The following AFF1 variants were observed in gnomAD, a reference collection of about 807,000 sequenced individuals.
AFF1 encodes AF4/FMR2 family member 1.
Under a neutral mutation model 121.7 loss-of-function variants are expected in AFF1, and 48 were observed. The ratio of observed to expected loss-of-function variants is 0.39; its 90% confidence interval spans 0.31 to 0.50. The LOEUF is 0.50. Among genes scored for constraint, AFF1 ranks in the 20% least tolerant of loss-of-function variants. The pLI is 0.76. For missense variants in AFF1, 1,523 were observed against 1,511.7 expected (o/e 1.01, Z -0.12); for synonymous variants, 613 against 563.0 (o/e 1.09, Z -1.26).
At chr4:87,130,950 C>T (rs1728771181) in intron 16 of AFF1, 133 bp from the exon 17 acceptor site, 9 of 1,204,494 alleles carry the variant, frequency 7.5e-6, no homozygotes, top group African/African-American at 3.1e-5. Flanking sequence ...ATTTTTAGTT[C>T]ATTCATCCTC....
chr4:87,099,512 A>C, intron 8 of AFF1, among the ~76,000 whole-genome samples: 1 of 152,150 alleles, frequency 6.6e-6, no homozygotes, highest in East Asian at 1.9e-4. Flanking sequence ...GGGTTCAAGC[A>C]ATCCTCCCAC....
At chr4:87,095,272 C>T (rs1176617445) in intron 8 of AFF1, among the ~76,000 whole-genome samples, 1 of 152,176 alleles carries the variant, frequency 6.6e-6, no homozygotes, top group Non-Finnish European at 1.5e-5. Flanking sequence ...GTGCCCACCA[C>T]CATGCCTGAC....
intron 4 of AFF1, among the ~76,000 whole-genome samples, chr4:87,076,182 G>GTT (rs1334542377): frequency 1.3e-5 from 2 of 152,188 alleles, no homozygotes; most frequent in Non-Finnish European, 2.9e-5. Context: ...AGAATTCCTT[G>GTT]TTCGTTTCAT....
intron 4 of AFF1, among the ~76,000 whole-genome samples, chr4:87,056,613 A>G (rs867806383): frequency 2.0e-5 from 3 of 152,332 alleles, no homozygotes; most frequent in South Asian, 2.1e-4. Flanking sequence ...ATGTTTTTTA[A>G]AAATAACTTT....
chr4:87,108,257 G>A lies in AFF1; in HGVS notation c.1475G>A (p.Ser492Asn), dbSNP rs1726125876. 4 of 1,614,030 alleles carry A rather than the reference G, an allele frequency of 2.5e-6. No individual in the cohort carries two copies. The highest frequency in any genetic ancestry group is 2.2e-5 in the East Asian group (1 of 44,890). The stretch of plus-strand genomic sequence containing the variant: ...TCAGACAGTTCCTCAGACTCAGAGA[G>A]CGAGAGCAGTTCAAGTGACAGCGAA... ...SDSDSSSDSE[S>N]ESSSSDSEEN... is the part of the protein sequence containing the mutation. Residue 492 changes from serine (S) to asparagine (N), a missense_variant, in exon 11 of 21, where the codon AGC becomes AAC. Coordinates refer to ENST00000395146, the MANE Select transcript of AFF1 (RefSeq NM_001166693.3).
At chr4:87,045,402 A>G (rs745677535) in intron 2 of AFF1, among the ~76,000 whole-genome samples, 3 of 150,992 alleles carry the variant, frequency 2.0e-5, no homozygotes, top group African/African-American at 7.3e-5. Context: ...GTGTTGGTTA[A>G]AACTGCACTA....
At position 87,013,032 on chromosome 4, in the gene AFF1, C is replaced by CTTTTTTTTTTTTTT. The variant is rs61071328; in HGVS notation, c.39-33121_39-33108dup. On this transcript the variant is annotated intron_variant, in intron 2 of 20. Transcript: ENST00000395146. ...AACCAGATTGAACTGCTATCAAGTT[C>CTTTTTTTTTTTTTT]TTTTTTTTTTTTTTTTTTTTTTTTT... Among the ~76,000 whole-genome samples, 102 of 93,466 alleles carry CTTTTTTTTTTTTTT rather than the reference C, an allele frequency of 1.1e-3. 4 individuals carry two copies. Among genetic ancestry groups the CTTTTTTTTTTTTTT allele is most frequent in the South Asian group, 1.9e-3 (4 of 2,110 alleles). The allele number at this position is 93,466 out of a possible 152,430, so 61.3% of individuals were successfully genotyped here. A position where few individuals can be genotyped will look rare whatever the true frequency, so the allele number is the denominator to read the frequency against.
chr4:87,115,629 A>C (rs1727040924), intron 12 of AFF1, among the ~76,000 whole-genome samples: 2 of 512 alleles, frequency 3.9e-3, no homozygotes, highest in Non-Finnish European at 0.021. Flanking sequence ...TTTTTTTCCA[A>C]AGACAGGCCC....
chr4:87,006,433 A>G (rs551368881), intron 2 of AFF1, among the ~76,000 whole-genome samples: 1 of 152,316 alleles, frequency 6.6e-6, no homozygotes, highest in South Asian at 2.1e-4. Context: ...GCTTCTTGTC[A>G]ATCCCTTCAT....
chr4:87,013,032 C>CTTTTTTTTTTTTTTTTTTTTTTTTTT (rs61071328), intron 2 of AFF1, among the ~76,000 whole-genome samples: 3 of 93,512 alleles, frequency 3.2e-5, no homozygotes, highest in South Asian at 4.7e-4. Context: ...CTATCAAGTT[C>CTTTTTTTTTTTTTTTTTTTTTTTTTT]TTTTTTTTTT....
chr4:86,949,731 T>C, intron 2 of AFF1: 1 of 1,600,324 alleles, frequency 6.2e-7, no homozygotes, highest in Non-Finnish European at 8.5e-7. Context: ...TTCAGGTAGC[T>C]GCGGTGCTTG....
At chr4:86,992,064 A>G (rs1243887748) in intron 2 of AFF1, among the ~76,000 whole-genome samples, 2 of 152,106 alleles carry the variant, frequency 1.3e-5, no homozygotes, top group Non-Finnish European at 2.9e-5. Context: ...AGGAAAAGTG[A>G]TTTTCCAAAG....
intron 4 of AFF1, among the ~76,000 whole-genome samples, chr4:87,073,478 T>C (rs1560599571): frequency 6.6e-6 from 1 of 152,092 alleles, no homozygotes; most frequent in African/African-American, 2.4e-5. Flanking sequence ...ACCACTTCAA[T>C]AATTTTCTGT....
intron 2 of AFF1, among the ~76,000 whole-genome samples, chr4:87,019,915 C>T (rs1727727539): frequency 6.6e-6 from 1 of 151,958 alleles, no homozygotes; most frequent in African/African-American, 2.4e-5. Flanking sequence ...ACTGAGCCCT[C>T]AACCTGTGGG....
At chr4:86,961,578 G>T (rs1451415646) in intron 2 of AFF1, among the ~76,000 whole-genome samples, 1 of 151,474 alleles carries the variant, frequency 6.6e-6, no homozygotes, top group African/African-American at 2.4e-5. Context: ...CATAGTGGGG[G>T]TGTGGGAAGG....
chr4:87,110,094 G>A lies in AFF1; in HGVS notation c.1533+1779G>A, dbSNP rs1403016430. ...AAGCTGTACATACAGATATTAATGA[G>A]AATTCTTTTTCATTAATATTGCATA... On this transcript the variant is annotated intron_variant, in intron 11 of 20. Transcript: ENST00000395146. Among the ~76,000 whole-genome samples, 7 of 151,992 alleles carry A rather than the reference G, an allele frequency of 4.6e-5. No individual in the cohort carries two copies. In the East Asian group the frequency reaches 1.3e-3, roughly 29 times the overall value.
intron 2 of AFF1, among the ~76,000 whole-genome samples, chr4:87,040,229 C>T (rs1166691386): frequency 1.3e-5 from 2 of 152,150 alleles, no homozygotes; most frequent in African/African-American, 2.4e-5. Context: ...AGCTTCATGC[C>T]ATTGGCCATC....
intron 2 of AFF1, among the ~76,000 whole-genome samples, chr4:86,991,439 C>T (rs1358067990): frequency 2.0e-5 from 2 of 101,094 alleles, no homozygotes; most frequent in Non-Finnish European, 4.6e-5. Flanking sequence ...AGTGAGACTC[C>T]ATCTCCAAAA....
chr4:87,084,099 T>C (rs749005315), intron 4 of AFF1, 21 bp from the exon 5 acceptor site: 2 of 1,613,434 alleles, frequency 1.2e-6, no homozygotes, highest in Admixed American at 3.3e-5. Context: ...TAACCTTTTA[T>C]TTTTTGCTTT....
Sources: allele counts gnomAD v4.1 joint callset (sites outside exome capture counted in the v4.1 genomes callset), GRCh38; gene constraint gnomAD v4.1.1; transcripts MANE v1.5; gene names NCBI Gene and HGNC (gene_info 2026-07-23, HGNC 2026-07-21).